Variants in DNAH11 observed in about 807,000 individuals in gnomAD.
DNAH11 encodes the protein dynein axonemal heavy chain 11, also known as axonemal beta dynein heavy chain 11.
DNAH11 carries 442 observed loss-of-function variants against 526.0 expected under a neutral mutation model. That is an observed-to-expected ratio of 0.84 (90% CI 0.78 to 0.91). The LOEUF (loss-of-function observed/expected upper bound fraction) is 0.91, where lower values mean the gene tolerates loss of function less well. Ranked by LOEUF, DNAH11 falls within the 40% of genes least tolerant of loss-of-function variation. The probability of loss-of-function intolerance (pLI) is 0.00; values close to 1 mark genes in which losing one functional copy is unlikely to be tolerated. For missense variants in DNAH11, 6,989 were observed against 5,448.7 expected, an observed-to-expected ratio of 1.28 and a Z score of -8.90; for synonymous variants, 2,461 against 1,935.9, an observed-to-expected ratio of 1.27 and a Z score of -7.12.
At chr7:21,815,488 C>CT (rs1174399172) in intron 63 of DNAH11, among the ~76,000 whole-genome samples, 1 of 152,086 alleles carries the variant, frequency 6.6e-6, no homozygotes, top group African/African-American at 2.4e-5. Flanking sequence ...TGTGGGAATC[C>CT]TTTCAGCATT....
In DNAH11 at chr7:21,816,863, C is replaced by T. The variant is rs13239032; in HGVS notation, c.10568+161C>T. Reference sequence around the variant, plus strand: ...TGTTCATGTTTCATATAAAGTATCTCTGTTGAAAAGGCATTCTTGTTGGAT... The same window carrying T: ...TGTTCATGTTTCATATAAAGTATCTTTGTTGAAAAGGCATTCTTGTTGGAT... On this transcript the variant is annotated intron_variant, in intron 64 of 81. Coordinates refer to ENST00000409508, the MANE Select transcript of DNAH11 (RefSeq NM_001277115.2). Among the ~76,000 whole-genome samples the T allele has an allele frequency of 0.17, 26,195 of 152,140 alleles. 2,963 individuals are homozygous for T. Among genetic ancestry groups the T allele is most frequent in the Admixed American group, 0.32 (4,938 of 15,264 alleles).
At chr7:21,653,328 G>A (rs542502928) in intron 28 of DNAH11, among the ~76,000 whole-genome samples, 12 of 152,304 alleles carry the variant, frequency 7.9e-5, no homozygotes, top group Non-Finnish European at 1.8e-4. Context: ...TAAAAAAATA[G>A]TCTTGTTCCC....
intron 35 of DNAH11, among the ~76,000 whole-genome samples, chr7:21,691,244 A>G (rs1424681147): frequency 6.6e-6 from 1 of 151,528 alleles, no homozygotes; most frequent in Non-Finnish European, 1.5e-5. Flanking sequence ...GGAAATGCTA[A>G]CACAAAGCCA....
Position 21,543,270 on chromosome 7 carries a change from G to A in DNAH11, c.25G>A (p.Glu9Lys), listed in dbSNP as rs753645186. The A allele has an allele frequency of 1.3e-6, 2 of 1,540,222 alleles. No homozygotes were observed. Among genetic ancestry groups the A allele is most frequent in the South Asian group, 1.2e-5 (1 of 83,728 alleles). Residue 9 changes from glutamate to lysine, a missense_variant, in exon 1 of 82, where the codon GAG (glutamate) becomes AAG (lysine). Coordinates refer to ENST00000409508, the MANE Select transcript of DNAH11 (RefSeq NM_001277115.2). MAAQVAAREARDFREAPTL... is the reference protein window; with the variant it reads MAAQVAARKARDFREAPTL... ...AATGGCAGCCCAGGTGGCAGCCCGG[G>A]AGGCGCGAGACTTCAGAGAAGCCCC... is the stretch of plus-strand genomic sequence containing the variant.
intron 65 of DNAH11, among the ~76,000 whole-genome samples, chr7:21,825,045 T>A (rs527430883): frequency 7.7e-4 from 117 of 152,238 alleles, no homozygotes; most frequent in African/African-American, 2.7e-3. Context: ...CTAATTTTTT[T>A]ATTTTTAGTA....
Position 21,710,719 on chromosome 7 carries a change from G to C in DNAH11, c.6834+16G>C, listed in dbSNP as rs1189962651. On this transcript the variant is annotated intron_variant, in intron 41 of 81. Coordinates refer to ENST00000409508, the MANE Select transcript of DNAH11 (RefSeq NM_001277115.2). ...TGATAACAAGGTGAATAAAACCTCT[G>C]TTCTCAACCTTAAATATAACATCCT... is the stretch of plus-strand genomic sequence containing the variant. 10 of 1,602,632 alleles carry C rather than the reference G, an allele frequency of 6.2e-6. No individual in the cohort carries two copies. The highest frequency in any genetic ancestry group is 2.7e-5 in the African/African-American group (2 of 74,632).
At chr7:21,813,542 A>T (rs911516429) in intron 63 of DNAH11, among the ~76,000 whole-genome samples, 1 of 152,232 alleles carries the variant, frequency 6.6e-6, no homozygotes, top group African/African-American at 2.4e-5. Flanking sequence ...TTACCTCCAC[A>T]GGAAATTACC....
intron 8 of DNAH11, among the ~76,000 whole-genome samples, chr7:21,580,253 G>T (rs1015652277): frequency 6.6e-6 from 1 of 152,160 alleles, no homozygotes; most frequent in African/African-American, 2.4e-5. Flanking sequence ...TAAGCCGTAT[G>T]TTCTCTATTA....
chr7:21,651,281 A>G (rs1177549656), intron 28 of DNAH11, among the ~76,000 whole-genome samples: 2 of 152,306 alleles, frequency 1.3e-5, no homozygotes, highest in East Asian at 3.9e-4. Flanking sequence ...ACGAACTTAG[A>G]TATAGGCAGA....
chr7:21,619,919 A>C (rs1250633785), intron 24 of DNAH11, 37 bp from the exon 25 acceptor site: 1 of 1,530,786 alleles, frequency 6.5e-7, no homozygotes, highest in Non-Finnish European at 8.8e-7. Context: ...ATTATCAATT[A>C]AATTTTGTGC....
intron 76 of DNAH11, among the ~76,000 whole-genome samples, chr7:21,887,218 T>C (rs1292297909): frequency 6.6e-6 from 1 of 152,216 alleles, no homozygotes; most frequent in East Asian, 1.9e-4. Flanking sequence ...GATATCTTGC[T>C]GTTAGGAGGA....
At position 21,636,073 on chromosome 7, in the gene DNAH11, A is replaced by G; in HGVS notation, c.4703A>G (p.Asp1568Gly). Residue 1568 changes from aspartate to glycine, a missense_variant, in exon 26 of 82, where the codon GAT becomes GGT. Transcript: ENST00000409508. ...CTTGTGAAAGATGCTAGAAGATTTG[A>G]TGGGGTGGATGCTGAATTTAAGGTT... ...IQLVKDARRFDGVDAEFKELM... is the reference protein window; with the variant it reads ...IQLVKDARRFGGVDAEFKELM... 1 of 1,612,456 alleles carries G rather than the reference A, an allele frequency of 6.2e-7. No homozygotes were observed. Among genetic ancestry groups the G allele is most frequent in the Non-Finnish European group, 8.5e-7 (1 of 1,179,040 alleles).
chr7:21,818,806 G>T (rs993448709), intron 65 of DNAH11, among the ~76,000 whole-genome samples: 1 of 151,964 alleles, frequency 6.6e-6, no homozygotes, highest in Non-Finnish European at 1.5e-5. Context: ...GTAACCATTC[G>T]GAAAAGGAGA....
intron 30 of DNAH11, among the ~76,000 whole-genome samples, chr7:21,677,371 C>T (rs977255293): frequency 1.3e-5 from 2 of 151,926 alleles, no homozygotes; most frequent in South Asian, 2.1e-4. Context: ...TCATAGTGAT[C>T]TGTGATCAGT....
intron 9 of DNAH11, among the ~76,000 whole-genome samples, chr7:21,584,455 C>A (rs1784418851): frequency 6.6e-6 from 1 of 152,056 alleles, no homozygotes; most frequent in Non-Finnish European, 1.5e-5. Context: ...GGAGAGGTAG[C>A]ATTAGGAGAA....
chr7:21,720,877 C>A lies in DNAH11; in HGVS notation c.7266+21C>A, dbSNP rs369837673. On this transcript the variant is annotated intron_variant, in intron 44 of 81. Transcript: ENST00000409508. ...ATCAGGTATGTTTAGAAATAGTTTACAGGACCAGTTTCCAGTTTTGTGTGG... is the reference window on the plus strand; with the variant it reads ...ATCAGGTATGTTTAGAAATAGTTTAAAGGACCAGTTTCCAGTTTTGTGTGG... The A allele has an allele frequency of 1.6e-5, 25 of 1,607,020 alleles. No homozygotes were observed. The African/African-American group carries it at 3.1e-4, about 20-fold the overall frequency.
At chr7:21,702,683 G>T in intron 36 of DNAH11, 27 bp from the exon 37 acceptor site, 2 of 1,598,704 alleles carry the variant, frequency 1.3e-6, no homozygotes, top group South Asian at 2.2e-5. Context: ...TACAATTTTT[G>T]AGAAAATAAA....
chr7:21,694,015 A>G (rs1783741960), intron 35 of DNAH11, among the ~76,000 whole-genome samples: 1 of 152,256 alleles, frequency 6.6e-6, no homozygotes, highest in African/African-American at 2.4e-5. Context: ...CTCACTCACC[A>G]TCATGAAAAC....
At chr7:21,770,173 A>C (rs534978979) in intron 55 of DNAH11, among the ~76,000 whole-genome samples, 1 of 152,108 alleles carries the variant, frequency 6.6e-6, no homozygotes, top group African/African-American at 2.4e-5. Flanking sequence ...CCCTTACCCA[A>C]AATACTTGGT....
Sources: allele counts gnomAD v4.1 joint callset (sites outside exome capture counted in the v4.1 genomes callset), GRCh38; gene constraint gnomAD v4.1.1; transcripts MANE v1.5; gene names NCBI Gene and HGNC (gene_info 2026-07-23, HGNC 2026-07-21).